Variants in RGS12 observed in about 807,000 individuals in gnomAD.
RGS12 encodes regulator of G-protein signaling 12.
A neutral mutation model predicts 120.1 loss-of-function variants in RGS12; 66 were observed. The ratio of observed to expected loss-of-function variants is 0.55; its 90% confidence interval spans 0.45 to 0.67. The LOEUF (loss-of-function observed/expected upper bound fraction) is 0.67. Among genes scored for constraint, RGS12 ranks in the 30% least tolerant of loss-of-function variants. RGS12 has a pLI of 0.00. For missense variants in RGS12, 1,859 were observed against 1,957.7 expected (o/e 0.95, Z 0.95); for synonymous variants, 827 against 804.7 (o/e 1.03, Z -0.47).
intron 4 of RGS12, among the ~76,000 whole-genome samples, chr4:3,409,752 G>A (rs1361104500): frequency 6.6e-6 from 1 of 152,190 alleles, no homozygotes; most frequent in Admixed American, 6.5e-5. Flanking sequence ...GAGCAAAAGC[G>A]TCAGCAACCG....
intron 1 of RGS12, among the ~76,000 whole-genome samples, chr4:3,309,661 C>T (rs1262087710): frequency 1.1e-4 from 11 of 100,394 alleles, no homozygotes; most frequent in African/African-American, 1.6e-4. Context: ...GAGCTGGGAC[C>T]CTGGAATGGC....
At chr4:3,410,496 G>A (rs1042912966) in intron 4 of RGS12, among the ~76,000 whole-genome samples, 3 of 152,206 alleles carry the variant, frequency 2.0e-5, no homozygotes, top group Non-Finnish European at 2.9e-5. Context: ...GGGCTGTCCA[G>A]CCAGCTCTGG....
Position 3,401,387 on chromosome 4 carries a change from A to G in RGS12, c.2021-12685A>G, listed in dbSNP as rs374727333. The stretch of plus-strand genomic sequence containing the variant: ...AGTCTCTCATTAGCTGTTACTTGGG[A>G]CAAGCAATCCACTTAGTCAGACGAT... On this transcript the variant is annotated intron_variant, in intron 4 of 17. Coordinates refer to ENST00000336727, the MANE Select transcript of RGS12 (RefSeq NM_001394154.1). Among the ~76,000 whole-genome samples, 49 of 152,338 alleles carry G rather than the reference A, an allele frequency of 3.2e-4. No homozygotes were observed. The East Asian group carries it at 7.3e-3, about 23-fold the overall frequency.
At chr4:3,348,684 C>T (rs374296583) in intron 3 of RGS12, among the ~76,000 whole-genome samples, 81 of 152,136 alleles carry the variant, frequency 5.3e-4, no homozygotes, top group African/African-American at 1.0e-3. Flanking sequence ...GTTATACAGG[C>T]GGAAAACAGT....
chr4:3,381,813 A>G (rs1281418322), intron 3 of RGS12, among the ~76,000 whole-genome samples: 2 of 152,250 alleles, frequency 1.3e-5, no homozygotes, highest in Non-Finnish European at 2.9e-5. Flanking sequence ...TCATACTTTC[A>G]GAGAAATTGG....
At chr4:3,329,297 G>A (rs1418742074) in intron 2 of RGS12, among the ~76,000 whole-genome samples, 1 of 152,146 alleles carries the variant, frequency 6.6e-6, no homozygotes, top group Non-Finnish European at 1.5e-5. Context: ...GTTTTCTTTG[G>A]TGTGTTTAGA....
chr4:3,331,787 C>T (rs544623378), intron 2 of RGS12, among the ~76,000 whole-genome samples: 35 of 152,272 alleles, frequency 2.3e-4, no homozygotes, highest in Non-Finnish European at 3.4e-4. Context: ...CACTGGGCAG[C>T]GGCACTCGGA....
intron 17 of RGS12, among the ~76,000 whole-genome samples, chr4:3,434,629 C>T (rs555828546): frequency 1.3e-5 from 2 of 152,322 alleles, no homozygotes; most frequent in East Asian, 3.9e-4. Flanking sequence ...CAGAAGCAGA[C>T]GTCTGCGCTT....
intron 4 of RGS12, among the ~76,000 whole-genome samples, chr4:3,410,416 C>A (rs576419154): frequency 6.6e-6 from 1 of 152,342 alleles, no homozygotes; most frequent in South Asian, 2.1e-4. Context: ...GGAATGTACA[C>A]AGAACAGGAT....
At chr4:3,306,274 C>T (rs1292254302) in intron 1 of RGS12, among the ~76,000 whole-genome samples, 2 of 152,168 alleles carry the variant, frequency 1.3e-5, no homozygotes, top group Non-Finnish European at 2.9e-5. Flanking sequence ...AGCTGGCTGG[C>T]TGGAGCATTG....
chr4:3,342,396 A>T, intron 2 of RGS12: 4 of 1,242,206 alleles, frequency 3.2e-6, no homozygotes, highest in Non-Finnish European at 4.1e-6. Context: ...AGGAGGAGAG[A>T]CAGGATGTTT....
chr4:3,369,985 G>A (rs893921952), intron 3 of RGS12: 16 of 1,205,484 alleles, frequency 1.3e-5, no homozygotes, highest in South Asian at 7.5e-5. Flanking sequence ...TACCCCTGTC[G>A]GCCGAAGTTT....
chr4:3,290,880 C>A (rs1722987346), upstream of RGS12, among the ~76,000 whole-genome samples: 1 of 152,238 alleles, frequency 6.6e-6, no homozygotes, highest in Admixed American at 6.5e-5. Flanking sequence ...CAAGACCTAC[C>A]TTTTCAAAAC....
chr4:3,353,131 T>C (rs574690741), intron 3 of RGS12, among the ~76,000 whole-genome samples: 8 of 152,188 alleles, frequency 5.3e-5, no homozygotes, highest in Admixed American at 1.3e-4. Context: ...GTTAAAGGTA[T>C]AATGAGCCAC....
chr4:3,421,601 C>G (rs1055643675), intron 10 of RGS12, among the ~76,000 whole-genome samples: 4 of 152,248 alleles, frequency 2.6e-5, no homozygotes, highest in Admixed American at 2.0e-4. Flanking sequence ...GCATGGCTGG[C>G]CCTTGGCTGG....
chr4:3,378,760 T>C (rs1024555889), intron 3 of RGS12, among the ~76,000 whole-genome samples: 2 of 152,070 alleles, frequency 1.3e-5, no homozygotes, highest in Non-Finnish European at 2.9e-5. Flanking sequence ...AGATAACAAG[T>C]GTGGGTGAGG....
intron 4 of RGS12, among the ~76,000 whole-genome samples, chr4:3,412,306 G>A (rs139234399): frequency 4.0e-4 from 61 of 152,292 alleles, no homozygotes; most frequent in African/African-American, 1.2e-3. Context: ...CGGGGCCCAC[G>A]CTGTGGCCTC....
chr4:3,294,907 A>G (rs112401743), intron 1 of RGS12, among the ~76,000 whole-genome samples: 1,773 of 152,166 alleles, frequency 0.012, 28 homozygotes, highest in Middle Eastern at 0.034. Flanking sequence ...GACTGGAGGT[A>G]CAGTACTGAC....
At chr4:3,414,881 G>A in intron 6 of RGS12, 37 bp downstream of exon 6, 1 of 1,487,136 alleles carries the variant, frequency 6.7e-7, no homozygotes, top group Non-Finnish European at 9.4e-7. Flanking sequence ...CTGTGTGAGA[G>A]TGGCGTGTGA....
Sources: gnomAD v4.1 joint callset for allele counts (sites outside exome capture counted in the v4.1 genomes callset) on GRCh38, gnomAD v4.1.1 for gene constraint, MANE v1.5 for transcripts, NCBI Gene and HGNC (gene_info 2026-07-23, HGNC 2026-07-21) for gene names.